SETD7: variants seen among roughly 807,000 people sequenced by gnomAD.
SETD7 encodes the protein histone-lysine N-methyltransferase SETD7.
SETD7 carries 16 observed loss-of-function variants against 41.8 expected under a neutral mutation model. That is an observed-to-expected ratio of 0.38 (90% confidence interval 0.26 to 0.58). The LOEUF (loss-of-function observed/expected upper bound fraction) is 0.58. Among genes scored for constraint, SETD7 ranks in the 20% least tolerant of loss-of-function variants. The probability of loss-of-function intolerance (pLI) is 0.64; values close to 1 mark genes in which losing one functional copy is unlikely to be tolerated. For synonymous variants in SETD7, 163 were observed against 169.7 expected, an observed-to-expected ratio of 0.96 and a Z score of 0.31; for missense variants, 346 against 459.7, an observed-to-expected ratio of 0.75 and a Z score of 2.26.
chr4:139,498,062 G>A (rs954940117), intron 7 of SETD7, among the ~76,000 whole-genome samples: 2 of 152,178 alleles, frequency 1.3e-5, no homozygotes, highest in Non-Finnish European at 2.9e-5. Flanking sequence ...AGTGGTGACC[G>A]TTATTTGCAC....
chr4:139,518,310 G>C lies in SETD7; in HGVS notation c.763-268C>G, dbSNP rs956972629. Among the ~76,000 whole-genome samples the C allele has an allele frequency of 1.1e-4, 17 of 152,176 alleles. No individual in the cohort carries two copies. In the East Asian group the frequency reaches 3.1e-3, roughly 28 times the overall value. On this transcript the variant is annotated intron_variant, in intron 6 of 7. Transcript: ENST00000274031. ...TGCCTGGCTAGTTTTTGTATATTTT[G>C]TAGAGACGGGGTTTCACCATGTTGG...
rs1728244782 is a variant in SETD7, at chr4:139,555,611, C to T, written c.40+487G>A. On this transcript the variant is annotated intron_variant, in intron 1 of 7. Coordinates refer to ENST00000274031, the MANE Select transcript of SETD7 (RefSeq NM_030648.4). This position sits in a 1 kb window ranked among gnomAD's most constrained non-coding sequence, Gnocchi z 4.0. Reference sequence around the variant, plus strand: ...CCGTGCGCTGCGCCGGGGGACCTACCCGGACGGGGCCGCGGCCGCCGCGGG... The same window carrying T: ...CCGTGCGCTGCGCCGGGGGACCTACTCGGACGGGGCCGCGGCCGCCGCGGG... 6.6e-6 allele frequency among the ~76,000 whole-genome samples: 1 copy of T among 151,994 alleles called. No individual in the cohort carries two copies.
chr4:139,542,135 G>A (rs915939407), intron 2 of SETD7, among the ~76,000 whole-genome samples: 7 of 152,210 alleles, frequency 4.6e-5, no homozygotes, highest in Non-Finnish European at 1.0e-4. Flanking sequence ...AATAAGCCAA[G>A]CACAAAAGGA....
chr4:139,511,590 C>T lies in SETD7; in HGVS notation c.*73G>A. 1 of 1,601,080 alleles carries T rather than the reference C, an allele frequency of 6.2e-7. No individual in the cohort carries two copies. Among genetic ancestry groups the T allele is most frequent in the Non-Finnish European group, 8.5e-7 (1 of 1,177,202 alleles). ...CACAGCATGAGCAGTCCCTGGTTGT[C>T]CCATTGTCAGATAAACGTAGTGCAT... is the stretch of plus-strand genomic sequence containing the variant. On this transcript the variant is annotated 3_prime_UTR_variant, in exon 8 of 8. Coordinates refer to ENST00000274031, the MANE Select transcript of SETD7 (RefSeq NM_030648.4).
At chr4:139,539,824 C>T (rs1438417442) in intron 2 of SETD7, among the ~76,000 whole-genome samples, 2 of 152,166 alleles carry the variant, frequency 1.3e-5, no homozygotes, top group Non-Finnish European at 2.9e-5. Flanking sequence ...TATTAGAAAG[C>T]TTGTTTTCTC....
At chr4:139,544,797 AGTGTGTGTGTGTGT>A (rs10581648) in intron 2 of SETD7, among the ~76,000 whole-genome samples, 142 of 144,950 alleles carry the variant, frequency 9.8e-4, no homozygotes, top group Middle Eastern at 3.5e-3. Context: ...CCAGATTTAA[AGTGTGTGTGTGTGT>A]GTGTGTGTGT....
At chr4:139,513,148 G>C (rs533605971) in intron 7 of SETD7, among the ~76,000 whole-genome samples, 2 of 151,640 alleles carry the variant, frequency 1.3e-5, no homozygotes, top group African/African-American at 4.8e-5. Context: ...GGCTGGACAT[G>C]GTGGCTCACC....
intron 4 of SETD7, among the ~76,000 whole-genome samples, chr4:139,525,226 T>A (rs752618176): frequency 2.6e-5 from 4 of 152,174 alleles, no homozygotes; most frequent in Non-Finnish European, 5.9e-5. Context: ...TATGACAAAT[T>A]TACTGAGTGC....
intron 3 of SETD7, among the ~76,000 whole-genome samples, chr4:139,529,837 C>T (rs1264310370): frequency 6.6e-6 from 1 of 152,218 alleles, no homozygotes; most frequent in African/African-American, 2.4e-5. Context: ...TATACCATCA[C>T]CTTTTTTAGA....
intron 2 of SETD7, among the ~76,000 whole-genome samples, chr4:139,543,425 G>C (rs187260116): frequency 6.6e-6 from 1 of 152,164 alleles, no homozygotes; most frequent in East Asian, 1.9e-4. Flanking sequence ...CAGATGTCTC[G>C]TAACATGATC....
chr4:139,537,043 T>C (rs1349426517), intron 2 of SETD7, among the ~76,000 whole-genome samples: 1 of 152,144 alleles, frequency 6.6e-6, no homozygotes, highest in African/African-American at 2.4e-5. Flanking sequence ...CGGCACAATC[T>C]TGGCTCACTG....
downstream of SETD7, among the ~76,000 whole-genome samples, chr4:139,503,567 C>T (rs552433767): frequency 6.0e-4 from 91 of 152,244 alleles, no homozygotes; most frequent in Admixed American, 1.6e-3. Flanking sequence ...ACACTTAAAA[C>T]GGCCTGATAA....
chr4:139,520,226 G>T, intron 6 of SETD7, 51 bp downstream of exon 6: 1 of 970,874 alleles, frequency 1.0e-6, no homozygotes, highest in Non-Finnish European at 1.5e-6. Context: ...TTTGTTTGAA[G>T]CAAAGCCCTT....
chr4:139,526,803 T>A (rs1463193506), intron 4 of SETD7, among the ~76,000 whole-genome samples: 2 of 152,238 alleles, frequency 1.3e-5, no homozygotes, highest in Non-Finnish European at 2.9e-5. Context: ...TCTGAAGTTT[T>A]AAAACTGGCA....
In SETD7 at chr4:139,530,356, CT is replaced by C. The variant is rs70943427; in HGVS notation, c.373-1137del. ...ACTTTTGAGTGATCCCAAATGCTGC[CT>C]TTTTTTTTTTTTTTTTTTTGCCTTC... On this transcript the variant is annotated intron_variant, in intron 3 of 7. Transcript: ENST00000274031. Among the ~76,000 whole-genome samples the C allele has an allele frequency of 5.3e-3, 669 of 126,866 alleles. 7 individuals are homozygous for C. Among genetic ancestry groups the C allele is most frequent in the African/African-American group, 0.016 (531 of 34,088 alleles). The allele number at this position is 126,866 out of a possible 152,430, so 83.2% of individuals were successfully genotyped here.
At chr4:139,527,876 C>T (rs757133488) in intron 4 of SETD7, among the ~76,000 whole-genome samples, 1 of 152,048 alleles carries the variant, frequency 6.6e-6, no homozygotes, top group Non-Finnish European at 1.5e-5. Context: ...CTTAAAAAAA[C>T]AAAAAAGACA....
downstream of SETD7, among the ~76,000 whole-genome samples, chr4:139,502,481 G>A (rs192897659): frequency 5.6e-4 from 85 of 152,324 alleles, 1 homozygote; most frequent in African/African-American, 1.9e-3. Context: ...GCCCAAGAGC[G>A]GGGCAAGCCT....
intron 2 of SETD7, among the ~76,000 whole-genome samples, chr4:139,545,760 T>C (rs1727924122): frequency 6.6e-6 from 1 of 152,200 alleles, no homozygotes; most frequent in Non-Finnish European, 1.5e-5. Flanking sequence ...CACCCTTCAG[T>C]TGTCAGCTTA....
chr4:139,504,449 C>G (rs955951032), downstream of SETD7, among the ~76,000 whole-genome samples: 2 of 152,034 alleles, frequency 1.3e-5, no homozygotes, highest in African/African-American at 4.8e-5. Context: ...GAGCAGAAAC[C>G]CCTTTTCTGT....
Sources: gnomAD v4.1 joint callset for allele counts (sites outside exome capture counted in the v4.1 genomes callset) on GRCh38, gnomAD v4.1.1 for gene constraint, Gnocchi (gnomAD v3.1) non-coding constraint, MANE v1.5 for transcripts, NCBI Gene and HGNC (gene_info 2026-07-23, HGNC 2026-07-21) for gene names.